The following UNC5D variants were observed in gnomAD, a reference collection of about 807,000 sequenced individuals.
UNC5D encodes netrin receptor UNC5D.
UNC5D carries 39 observed loss-of-function variants against 105.4 expected under a neutral mutation model. That is an observed-to-expected ratio of 0.37 (90% CI 0.29 to 0.48). The LOEUF (loss-of-function observed/expected upper bound fraction) is 0.48, where lower values mean the gene tolerates loss of function less well. UNC5D is among the 20% of genes least tolerant of loss of function. The probability of loss-of-function intolerance (pLI) is 0.98; values close to 1 mark genes in which losing one functional copy is unlikely to be tolerated. For synonymous variants in UNC5D, 452 were observed against 450.4 expected, an observed-to-expected ratio of 1.00 and a Z score of -0.04; for missense variants, 991 against 1,202.4, an observed-to-expected ratio of 0.82 and a Z score of 2.60.
chr8:35,752,664 G>A (rs1830342952), intron 13 of UNC5D, among the ~76,000 whole-genome samples: 1 of 152,130 alleles, frequency 6.6e-6, no homozygotes, highest in Admixed American at 6.5e-5. Flanking sequence ...ACAATAAGAG[G>A]ATTGCTCCAA....
chr8:35,312,215 C>T (rs1159109841), intron 1 of UNC5D, among the ~76,000 whole-genome samples: 1 of 152,110 alleles, frequency 6.6e-6, no homozygotes, highest in Admixed American at 6.6e-5. Flanking sequence ...TGGCAAGATC[C>T]GACATAGCTT....
intron 1 of UNC5D, among the ~76,000 whole-genome samples, chr8:35,366,878 T>A (rs1412411367): frequency 6.6e-6 from 1 of 152,192 alleles, no homozygotes; most frequent in South Asian, 2.1e-4. Flanking sequence ...CAACTAATAT[T>A]AATGGAAATT....
intron 1 of UNC5D, among the ~76,000 whole-genome samples, chr8:35,434,260 T>C (rs1486701367): frequency 6.6e-6 from 1 of 152,088 alleles, no homozygotes; most frequent in African/African-American, 2.4e-5. Flanking sequence ...GGAAATAAAT[T>C]TGGTAACATT....
chr8:35,387,437 C>T, intron 1 of UNC5D, among the ~76,000 whole-genome samples: 1 of 151,702 alleles, frequency 6.6e-6, no homozygotes, highest in Non-Finnish European at 1.5e-5. Context: ...ATGAGAACCC[C>T]TGGCTTAAGC....
chr8:35,260,614 C>T (rs753620432), intron 1 of UNC5D, among the ~76,000 whole-genome samples: 2 of 152,122 alleles, frequency 1.3e-5, no homozygotes, highest in Non-Finnish European at 1.5e-5. Flanking sequence ...CAGGCCCATG[C>T]GGCCATACCG....
At chr8:35,458,243 G>A (rs1808633982) in intron 1 of UNC5D, among the ~76,000 whole-genome samples, 1 of 151,996 alleles carries the variant, frequency 6.6e-6, no homozygotes, top group African/African-American at 2.4e-5. Flanking sequence ...ACTGTTTTCT[G>A]GCACAGAAAT....
intron 2 of UNC5D, among the ~76,000 whole-genome samples, chr8:35,549,952 C>CAT (rs1815993093): frequency 8.0e-6 from 1 of 125,600 alleles, no homozygotes. Flanking sequence ...TTTCTGAGTC[C>CAT]TTTTTTTTTT....
At chr8:35,609,497 G>A (rs906841975) in intron 4 of UNC5D, among the ~76,000 whole-genome samples, 15 of 152,190 alleles carry the variant, frequency 9.9e-5, no homozygotes, top group Admixed American at 4.6e-4. Context: ...GAGAAGGAAC[G>A]TGAAAATGTT....
chr8:35,760,066 G>A (rs1801451502), intron 14 of UNC5D, among the ~76,000 whole-genome samples: 1 of 147,384 alleles, frequency 6.8e-6, no homozygotes, highest in Admixed American at 6.8e-5. Context: ...TTAAGATGGA[G>A]TCTGTCTCTC....
At position 35,611,964 on chromosome 8, in the gene UNC5D, G is replaced by C. The variant is rs191853212; in HGVS notation, c.570+16307G>C. ...GATTTACTGATGTTGGCTGTAAAAT[G>C]GTTATCGCTGTTAATACAGCCTGTA... is the stretch of plus-strand genomic sequence containing the variant. On this transcript the variant is annotated intron_variant, in intron 4 of 16. Coordinates refer to ENST00000404895, the MANE Select transcript of UNC5D (RefSeq NM_080872.4). Among the ~76,000 whole-genome samples the C allele has an allele frequency of 6.6e-5, 10 of 152,288 alleles. No homozygotes were observed. In the East Asian group the frequency reaches 1.9e-3, roughly 29 times the overall value.
chr8:35,337,601 T>C (rs1480809472), intron 1 of UNC5D, among the ~76,000 whole-genome samples: 2 of 152,210 alleles, frequency 1.3e-5, no homozygotes, highest in Non-Finnish European at 2.9e-5. Flanking sequence ...CTTAGCATTC[T>C]ACTGTGGTAT....
intron 1 of UNC5D, among the ~76,000 whole-genome samples, chr8:35,378,976 A>G (rs1802866188): frequency 6.6e-6 from 1 of 152,206 alleles, no homozygotes; most frequent in African/African-American, 2.4e-5. Context: ...GATGTGATTC[A>G]GCAGGTGTCC....
intron 1 of UNC5D, among the ~76,000 whole-genome samples, chr8:35,481,950 G>A (rs1318167894): frequency 6.6e-6 from 1 of 152,118 alleles, no homozygotes; most frequent in Non-Finnish European, 1.5e-5. Flanking sequence ...TTTATGTATG[G>A]CGGTGGGTAT....
intron 4 of UNC5D, among the ~76,000 whole-genome samples, chr8:35,627,255 A>G (rs1821745898): frequency 6.6e-6 from 1 of 152,194 alleles, no homozygotes; most frequent in Admixed American, 6.5e-5. Context: ...AAATCCAATG[A>G]CCTTTAAGGT....
At chr8:35,249,545 G>A (rs541116660) in intron 1 of UNC5D, among the ~76,000 whole-genome samples, 7 of 147,950 alleles carry the variant, frequency 4.7e-5, no homozygotes, top group African/African-American at 1.5e-4. Context: ...GCAATGGAGG[G>A]AAACTCTGTC....
At chr8:35,349,251 T>G (rs1812034932) in intron 1 of UNC5D, among the ~76,000 whole-genome samples, 1 of 151,950 alleles carries the variant, frequency 6.6e-6, no homozygotes, top group Non-Finnish European at 1.5e-5. Flanking sequence ...TGAAGTTAAG[T>G]GACAATGTAG....
At chr8:35,321,772 T>C (rs1379805517) in intron 1 of UNC5D, among the ~76,000 whole-genome samples, 2 of 152,164 alleles carry the variant, frequency 1.3e-5, no homozygotes, top group Non-Finnish European at 2.9e-5. Flanking sequence ...TGGAGGTTCC[T>C]GGATCACTAC....
chr8:35,358,541 G>T (rs1218275021), intron 1 of UNC5D, among the ~76,000 whole-genome samples: 1 of 152,048 alleles, frequency 6.6e-6, no homozygotes, highest in Non-Finnish European at 1.5e-5. Context: ...ATGTGTGCTG[G>T]GCTTCATACC....
At chr8:35,253,904 A>C (rs1048042396) in intron 1 of UNC5D, among the ~76,000 whole-genome samples, 1 of 152,130 alleles carries the variant, frequency 6.6e-6, no homozygotes, top group African/African-American at 2.4e-5. Flanking sequence ...GCACATATAC[A>C]TGGGAATTTT....
Sources: allele counts gnomAD v4.1 joint callset (sites outside exome capture counted in the v4.1 genomes callset), GRCh38; gene constraint gnomAD v4.1.1; transcripts MANE v1.5; gene names NCBI Gene and HGNC (gene_info 2026-07-23, HGNC 2026-07-21).